Variants in NCAM2 observed in about 807,000 individuals in gnomAD.
The protein encoded by NCAM2 is N-CAM-2.
Under a neutral mutation model 98.1 loss-of-function variants are expected in NCAM2, and 30 were observed. The observed-to-expected ratio is 0.31, with a 90% confidence interval of 0.23 to 0.41. The LOEUF (loss-of-function observed/expected upper bound fraction) is 0.41, where lower values mean the gene tolerates loss of function less well. NCAM2 is among the 10% of genes least tolerant of loss of function. NCAM2 has a pLI of 1.00. For synonymous variants in NCAM2, 368 were observed against 342.4 expected (o/e 1.07, Z -0.83); for missense variants, 867 against 1,005.8 (o/e 0.86, Z 1.87).
chr21:21,505,026 T>C (rs1473236439), intron 15 of NCAM2, among the ~76,000 whole-genome samples: 1 of 152,054 alleles, frequency 6.6e-6, no homozygotes, highest in Non-Finnish European at 1.5e-5. Context: ...GATCTTATTC[T>C]ATTTTTAACA....
chr21:21,000,020 C>T (rs1018186638), intron 1 of NCAM2, among the ~76,000 whole-genome samples: 1 of 152,178 alleles, frequency 6.6e-6, no homozygotes, highest in African/African-American at 2.4e-5. Flanking sequence ...CTCATTTTCC[C>T]TTCCTAACAT....
chr21:21,055,837 G>A (rs9636687), intron 1 of NCAM2, among the ~76,000 whole-genome samples: 9,111 of 152,122 alleles, frequency 0.06, 288 homozygotes, highest in East Asian at 0.097. Context: ...GATGTGTGAA[G>A]TGAAAGAGGA....
intron 1 of NCAM2, among the ~76,000 whole-genome samples, chr21:21,260,103 A>G (rs550074873): frequency 3.7e-4 from 56 of 151,918 alleles, no homozygotes; most frequent in African/African-American, 1.3e-3. Context: ...AAACAATTTT[A>G]GAGATTGAAG....
chr21:21,508,967 C>T lies in NCAM2; in HGVS notation c.2194C>T (p.Leu732=), dbSNP rs767708151. The T allele has an allele frequency of 5.6e-6, 9 of 1,613,322 alleles. No homozygotes were observed. The highest frequency in any genetic ancestry group is 2.2e-5 in the South Asian group (2 of 91,048). The change falls in exon 16 of 18, where the codon CTG becomes TTG. Residue 732 remains leucine, a synonymous_variant. Coordinates refer to ENST00000400546, the MANE Select transcript of NCAM2 (RefSeq NM_004540.5). The part of the protein sequence containing the change: ...SCFFIRQCGL[L]MCITRRMCGK... ...CTTCTTTATTCGGCAATGTGGGTTG[C>T]TGATGTGCATCACTAGGAGAATGTG...
intron 1 of NCAM2, among the ~76,000 whole-genome samples, chr21:21,096,859 T>C (rs1423927143): frequency 1.3e-5 from 2 of 151,720 alleles, no homozygotes; most frequent in Non-Finnish European, 3.0e-5. Flanking sequence ...GGAATGTCTA[T>C]ATCTTTATTT....
chr21:21,227,533 C>T (rs1386990788), intron 1 of NCAM2, among the ~76,000 whole-genome samples: 1 of 151,612 alleles, frequency 6.6e-6, no homozygotes, highest in East Asian at 1.9e-4. Context: ...ATATGCAAAT[C>T]CAAGTCAGTT....
intron 1 of NCAM2, among the ~76,000 whole-genome samples, chr21:21,111,416 G>C (rs1334250763): frequency 6.6e-6 from 1 of 152,298 alleles, no homozygotes; most frequent in African/African-American, 2.4e-5. Flanking sequence ...AGTGATATCA[G>C]GCTAAGCTCT....
At chr21:21,265,218 T>C (rs190620807) in intron 1 of NCAM2, among the ~76,000 whole-genome samples, 2,903 of 125,956 alleles carry the variant, frequency 0.023, 68 homozygotes, top group Non-Finnish European at 0.036. Flanking sequence ...GTATATAGTA[T>C]ATTATATTAT....
At chr21:21,095,692 C>T (rs2066107511) in intron 1 of NCAM2, among the ~76,000 whole-genome samples, 3 of 151,484 alleles carry the variant, frequency 2.0e-5, no homozygotes, top group Admixed American at 2.0e-4. Flanking sequence ...AAGCAAGGAC[C>T]TGTGAATATA....
At chr21:21,159,340 T>TTTA (rs1460024245) in intron 1 of NCAM2, among the ~76,000 whole-genome samples, 1 of 152,120 alleles carries the variant, frequency 6.6e-6, no homozygotes, top group African/African-American at 2.4e-5. Context: ...GTTTACCATG[T>TTTA]TTATAAAGTC....
At chr21:21,375,569 C>T (rs1390858712) in intron 9 of NCAM2, among the ~76,000 whole-genome samples, 4 of 151,704 alleles carry the variant, frequency 2.6e-5, no homozygotes, top group Non-Finnish European at 4.4e-5. Context: ...ATAATTTTTT[C>T]TACTTTTTTC....
At chr21:21,054,240 C>CCTAG (rs1304898325) in intron 1 of NCAM2, among the ~76,000 whole-genome samples, 3 of 151,906 alleles carry the variant, frequency 2.0e-5, no homozygotes, top group Non-Finnish European at 2.9e-5. Context: ...ATATTAGGAA[C>CCTAG]CTAGGCGTAA....
chr21:21,519,352 GA>G, intron 16 of NCAM2, among the ~76,000 whole-genome samples: 1 of 152,196 alleles, frequency 6.6e-6, no homozygotes, highest in Admixed American at 6.5e-5. Context: ...TAATCCAGAT[GA>G]AAAAAGTTGG....
At position 21,165,625 on chromosome 21, in the gene NCAM2, A is replaced by G. The variant is rs542520788; in HGVS notation, c.56-114953A>G. ...GAGTTGGGGTAACCGAGGCCTGCTC[A>G]TTTTTTACCTATTCCACCCATCTGG... On this transcript the variant is annotated intron_variant, in intron 1 of 17. Coordinates refer to ENST00000400546, the MANE Select transcript of NCAM2 (RefSeq NM_004540.5). Among the ~76,000 whole-genome samples, 101 of 152,264 alleles carry G rather than the reference A, an allele frequency of 6.6e-4. 1 individual carries two copies. The highest frequency in any genetic ancestry group is 1.3e-4 in the Non-Finnish European group (9 of 68,020).
At chr21:21,258,629 C>A (rs567146317) in intron 1 of NCAM2, among the ~76,000 whole-genome samples, 1 of 152,118 alleles carries the variant, frequency 6.6e-6, no homozygotes, top group East Asian at 1.9e-4. Flanking sequence ...GGTCAGAGAA[C>A]CAGGTGGCTG....
At chr21:21,230,219 A>G (rs753712699) in intron 1 of NCAM2, among the ~76,000 whole-genome samples, 38 of 151,368 alleles carry the variant, frequency 2.5e-4, no homozygotes, top group Middle Eastern at 3.4e-3. Flanking sequence ...TAATTACTCT[A>G]TAATGTATTA....
At chr21:21,169,902 T>C (rs2068066936) in intron 1 of NCAM2, among the ~76,000 whole-genome samples, 1 of 152,104 alleles carries the variant, frequency 6.6e-6, no homozygotes, top group African/African-American at 2.4e-5. Context: ...GAGGCTGCAG[T>C]GAGCCAAGAT....
Position 21,534,563 on chromosome 21 carries a change from T to A in NCAM2, c.2309T>A (p.Val770Glu). 1 of 1,601,524 alleles carries A rather than the reference T, an allele frequency of 6.2e-7. No individual in the cohort carries two copies. Among genetic ancestry groups the A allele is most frequent in the Non-Finnish European group, 8.5e-7 (1 of 1,171,588 alleles). The stretch of plus-strand genomic sequence containing the variant: ...AAAGATGGATCAAAAGAACCAATAG[T>A]GGAGATGAGAACAGAGGATGAAAGA... The part of the protein sequence containing the change: ...YLKDGSKEPI[V>E]EMRTEDERVT... Residue 770 changes from valine (V) to glutamate (E), a missense_variant, in exon 17 of 18, where the codon GTG becomes GAG. Physicochemically the swap from Val to Glu is moderately radical, Grantham distance 121. Around this residue, in one of 5 missense-constraint regions of NCAM2, gnomAD observed 125 missense variants for 116.1 expected, o/e 1.08. Transcript: ENST00000400546.
At chr21:21,364,376 G>A (rs915929821) in intron 8 of NCAM2, among the ~76,000 whole-genome samples, 4 of 151,876 alleles carry the variant, frequency 2.6e-5, no homozygotes, top group South Asian at 2.1e-4. Context: ...CACCCAATGT[G>A]TAGTTATAAG....
Sources: gnomAD v4.1 joint callset for allele counts (sites outside exome capture counted in the v4.1 genomes callset) on GRCh38, gnomAD v4.1.1 for gene constraint, gnomAD v4.1.1 regional missense constraint, MANE v1.5 for transcripts, NCBI Gene and HGNC (gene_info 2026-07-23, HGNC 2026-07-21) for gene names.